CDYL: variants seen among roughly 807,000 people sequenced by gnomAD.
The protein encoded by CDYL is chromodomain Y like, also known as chromodomain Y-like protein.
In CDYL, 8 loss-of-function variants were observed where a neutral mutation model predicts 47.3. The observed-to-expected ratio is 0.17, with a 90% confidence interval of 0.10 to 0.31. CDYL has a LOEUF of 0.31. Ranked by LOEUF, CDYL falls within the 10% of genes least tolerant of loss-of-function variation. The pLI is 1.00. For synonymous variants in CDYL, 266 were observed against 265.0 expected, an observed-to-expected ratio of 1.00 and a Z score of -0.04; for missense variants, 471 against 701.4, an observed-to-expected ratio of 0.67 and a Z score of 3.71.
intron 2 of CDYL, among the ~76,000 whole-genome samples, chr6:4,902,136 C>T (rs1757076259): frequency 6.6e-6 from 1 of 152,074 alleles, no homozygotes; most frequent in African/African-American, 2.4e-5. Flanking sequence ...CAGTGGCTCA[C>T]ACCTGTAATC....
intron 1 of CDYL, among the ~76,000 whole-genome samples, chr6:4,786,593 T>G (rs1758762985): frequency 6.6e-6 from 1 of 152,244 alleles, no homozygotes. Context: ...TGCAGTCATC[T>G]TACTGCTAGG....
chr6:4,937,880 A>G (rs1405694689), intron 4 of CDYL, 143 bp downstream of exon 4: 1 of 648,762 alleles, frequency 1.5e-6, no homozygotes, highest in Admixed American at 3.5e-5. Flanking sequence ...AAATTAATTA[A>G]ATCATCTGTC....
intron 1 of CDYL, among the ~76,000 whole-genome samples, chr6:4,831,259 G>T (rs1187829769): frequency 2.0e-5 from 3 of 151,864 alleles, no homozygotes; most frequent in African/African-American, 7.3e-5. Context: ...TTTTGTATAA[G>T]GTGTAAGGAA....
intron 2 of CDYL, among the ~76,000 whole-genome samples, chr6:4,917,637 G>A (rs1326153768): frequency 6.6e-6 from 1 of 152,212 alleles, no homozygotes; most frequent in African/African-American, 2.4e-5. Context: ...GTCCTTTGGT[G>A]TAGTCTGCTG....
At chr6:4,946,532 A>G (rs1157935897) in intron 5 of CDYL, among the ~76,000 whole-genome samples, 1 of 151,966 alleles carries the variant, frequency 6.6e-6, no homozygotes, top group Non-Finnish European at 1.5e-5. Flanking sequence ...GAGTCCCCCC[A>G]TGGCTGTAGG....
chr6:4,937,906 C>T (rs1331820541), intron 4 of CDYL, among the ~76,000 whole-genome samples, 169 bp downstream of exon 4: 1 of 152,202 alleles, frequency 6.6e-6, no homozygotes, highest in Non-Finnish European at 1.5e-5. Context: ...TATGGGCCTG[C>T]CATAAATTAC....
In CDYL at chr6:4,761,995, A is replaced by G. The variant is rs1268964122; in HGVS notation, c.186+27151A>G. ...GGTGGGGAAGCTTGGAAGCCCATGG[A>G]GGTGAGCCCGGAGTTTCTGTATGTT... On this transcript the variant is annotated intron_variant, in intron 3 of 8. Transcript: ENST00000328908. Among the ~76,000 whole-genome samples the G allele has an allele frequency of 2.6e-5, 4 of 152,192 alleles. 1 individual carries two copies. Among genetic ancestry groups the G allele is most frequent in the Non-Finnish European group, 5.9e-5 (4 of 68,034 alleles).
intron 1 of CDYL, among the ~76,000 whole-genome samples, chr6:4,853,098 T>C (rs185756592): frequency 5.8e-4 from 88 of 152,322 alleles, no homozygotes; most frequent in Non-Finnish European, 5.9e-5. Context: ...TCCTTTGTTC[T>C]TTTGACATCT....
intron 2 of CDYL, among the ~76,000 whole-genome samples, chr6:4,716,381 C>G (rs1757261910): frequency 6.6e-6 from 1 of 152,086 alleles, no homozygotes; most frequent in South Asian, 2.1e-4. Flanking sequence ...TTTTCATTCT[C>G]TTTAAATCTC....
intron 1 of CDYL, among the ~76,000 whole-genome samples, chr6:4,823,197 A>T (rs1190545248): frequency 6.6e-6 from 1 of 152,230 alleles, no homozygotes; most frequent in Non-Finnish European, 1.5e-5. Context: ...TTTCCGTGAC[A>T]TTTACCTTTA....
intron 5 of CDYL, among the ~76,000 whole-genome samples, chr6:4,950,285 A>G (rs1281428272): frequency 6.6e-6 from 1 of 152,238 alleles, no homozygotes; most frequent in Non-Finnish European, 1.5e-5. Context: ...CGCAGACACC[A>G]GGCCTGGCGG....
chr6:4,870,437 T>G (rs1008884297), intron 1 of CDYL, among the ~76,000 whole-genome samples: 2 of 152,220 alleles, frequency 1.3e-5, no homozygotes, highest in Non-Finnish European at 2.9e-5. Context: ...GGTTTTAAGA[T>G]TTTTATCTTT....
chr6:4,944,962 A>T (rs1364585912), intron 5 of CDYL, among the ~76,000 whole-genome samples: 4 of 152,130 alleles, frequency 2.6e-5, no homozygotes, highest in Non-Finnish European at 5.9e-5. Flanking sequence ...CAGTCTCATC[A>T]TGAGGAACGT....
At chr6:4,741,311 T>A (rs1406613196) in intron 3 of CDYL, among the ~76,000 whole-genome samples, 1 of 152,162 alleles carries the variant, frequency 6.6e-6, no homozygotes, top group Non-Finnish European at 1.5e-5. Flanking sequence ...TAAAGTTCAA[T>A]TGGCCAAATC....
intron 1 of CDYL, among the ~76,000 whole-genome samples, chr6:4,860,509 A>AT (rs934327159): frequency 6.1e-5 from 9 of 147,672 alleles, no homozygotes; most frequent in African/African-American, 9.9e-5. Flanking sequence ...ATATATATAT[A>AT]AAAAATATAT....
intron 3 of CDYL, among the ~76,000 whole-genome samples, chr6:4,756,032 G>A (rs926973900): frequency 2.6e-5 from 4 of 152,088 alleles, no homozygotes; most frequent in African/African-American, 7.2e-5. Flanking sequence ...TGTAAGTCCT[G>A]TAATATTGCC....
chr6:4,845,854 G>T (rs1369610589), intron 1 of CDYL, among the ~76,000 whole-genome samples: 1 of 152,122 alleles, frequency 6.6e-6, no homozygotes, highest in Non-Finnish European at 1.5e-5. Flanking sequence ...GGTGGATTTG[G>T]CCCGCAGACC....
At chr6:4,782,441 C>G (rs1228343770) in intron 1 of CDYL, among the ~76,000 whole-genome samples, 7 of 152,140 alleles carry the variant, frequency 4.6e-5, no homozygotes, top group African/African-American at 1.4e-4. Flanking sequence ...CATTATGCCT[C>G]TTGCTGTTCT....
At chr6:4,828,696 A>G (rs1185319588) in intron 1 of CDYL, among the ~76,000 whole-genome samples, 3 of 152,142 alleles carry the variant, frequency 2.0e-5, no homozygotes, top group Non-Finnish European at 4.4e-5. Context: ...ATTTATTTAG[A>G]TAATCACTTT....
Sources: allele counts gnomAD v4.1 joint callset (sites outside exome capture counted in the v4.1 genomes callset), GRCh38; gene constraint gnomAD v4.1.1; transcripts MANE v1.5; gene names NCBI Gene and HGNC (gene_info 2026-07-23, HGNC 2026-07-21).